SLC25A48: variants seen among roughly 807,000 people sequenced by gnomAD.
The protein encoded by SLC25A48 is solute carrier family 25 member 48.
A neutral mutation model predicts 32.2 loss-of-function variants in SLC25A48; 29 were observed. The ratio of observed to expected loss-of-function variants is 0.90; its 90% CI spans 0.67 to 1.23. The LOEUF (loss-of-function observed/expected upper bound fraction) is 1.23. Ranked by LOEUF, SLC25A48 falls within the 50% of genes most tolerant of loss-of-function variation. The probability of loss-of-function intolerance (pLI) is 0.00; values close to 1 mark genes in which losing one functional copy is unlikely to be tolerated. For missense variants in SLC25A48, 399 were observed against 422.7 expected, an observed-to-expected ratio of 0.94 and a Z score of 0.49; for synonymous variants, 164 against 172.3, an observed-to-expected ratio of 0.95 and a Z score of 0.38.
chr5:135,754,850 C>T (rs1278828975), intron 3 of SLC25A48, among the ~76,000 whole-genome samples: 1 of 151,848 alleles, frequency 6.6e-6, no homozygotes, highest in East Asian at 1.9e-4. Flanking sequence ...TAAAATATTG[C>T]TCTGACATTT....
chr5:135,616,100 T>C (rs1183410481), intron 1 of SLC25A48, among the ~76,000 whole-genome samples: 1 of 152,298 alleles, frequency 6.6e-6, no homozygotes, highest in East Asian at 1.9e-4. Context: ...AAAGCCTAAA[T>C]GTCCAGGCAG....
At chr5:135,776,271 G>T (rs566201592) in intron 3 of SLC25A48, among the ~76,000 whole-genome samples, 10 of 136,464 alleles carry the variant, frequency 7.3e-5, no homozygotes, top group Non-Finnish European at 1.2e-4. Context: ...ATATCTGGGG[G>T]GTGGGGGGCA....
At chr5:135,630,588 CTTTTTTTTTTTTTTTTTT>C (rs869088370) in intron 2 of SLC25A48, among the ~76,000 whole-genome samples, 6 of 58,928 alleles carry the variant, frequency 1.0e-4, no homozygotes, top group East Asian at 6.2e-4. Context: ...GGCTGGGCAC[CTTTTTTTTTTTTTTTTTT>C]TTTTTTTTTT....
chr5:135,771,093 C>A (rs980270277), intron 3 of SLC25A48, among the ~76,000 whole-genome samples: 1 of 135,408 alleles, frequency 7.4e-6, no homozygotes, highest in Non-Finnish European at 1.6e-5. Flanking sequence ...CTTTCAATAT[C>A]GTGGGGGTGT....
At chr5:135,726,307 C>T (rs901099145) in intron 3 of SLC25A48, among the ~76,000 whole-genome samples, 3 of 152,214 alleles carry the variant, frequency 2.0e-5, no homozygotes, top group African/African-American at 4.8e-5. Flanking sequence ...ACAGAATCTA[C>T]GTACCCTTTA....
chr5:135,607,000 C>G (rs565540252), intron 1 of SLC25A48, among the ~76,000 whole-genome samples: 1 of 152,196 alleles, frequency 6.6e-6, no homozygotes, highest in African/African-American at 2.4e-5. Context: ...TTGACTGCTT[C>G]TGGACTCATC....
intron 3 of SLC25A48, among the ~76,000 whole-genome samples, chr5:135,760,390 G>A (rs1756034612): frequency 6.6e-6 from 1 of 152,208 alleles, no homozygotes; most frequent in African/African-American, 2.4e-5. Context: ...TGGTCTGGGT[G>A]TTGGGGAGCT....
At chr5:135,659,850 A>G (rs1006503406) in intron 3 of SLC25A48, among the ~76,000 whole-genome samples, 2 of 152,216 alleles carry the variant, frequency 1.3e-5, no homozygotes, top group African/African-American at 2.4e-5. Flanking sequence ...GCCAGATAGC[A>G]TAAGAACTCA....
chr5:135,807,096 T>A (rs1757480406), intron 3 of SLC25A48, among the ~76,000 whole-genome samples: 1 of 150,660 alleles, frequency 6.6e-6, no homozygotes, highest in African/African-American at 2.4e-5. Flanking sequence ...GGTTTAACAC[T>A]GTGTTTTAAC....
intron 3 of SLC25A48, among the ~76,000 whole-genome samples, chr5:135,741,131 G>A (rs1192201959): frequency 6.6e-6 from 1 of 152,158 alleles, no homozygotes; most frequent in Non-Finnish European, 1.5e-5. Flanking sequence ...ATGAGAAAAC[G>A]GAGGCAGAGT....
intron 3 of SLC25A48, among the ~76,000 whole-genome samples, chr5:135,676,674 GT>G (rs1753774150): frequency 6.6e-6 from 1 of 151,906 alleles, no homozygotes; most frequent in South Asian, 2.1e-4. Context: ...ATTGTCATTT[GT>G]TTCAAGAAAT....
At chr5:135,611,541 A>T (rs1481285846) in intron 1 of SLC25A48, among the ~76,000 whole-genome samples, 2 of 146,534 alleles carry the variant, frequency 1.4e-5, no homozygotes, top group Non-Finnish European at 3.0e-5. Flanking sequence ...AAAGAAAAGA[A>T]AAGAAAAAAA....
intron 3 of SLC25A48, among the ~76,000 whole-genome samples, chr5:135,712,636 G>C (rs796655299): frequency 2.0e-5 from 3 of 152,184 alleles, no homozygotes; most frequent in African/African-American, 7.2e-5. Context: ...AACCCAAACA[G>C]TTTCAACTGA....
chr5:135,697,290 G>C (rs933546122), intron 3 of SLC25A48, among the ~76,000 whole-genome samples: 8 of 45,284 alleles, frequency 1.8e-4, no homozygotes, highest in Non-Finnish European at 4.6e-4. Context: ...AAAGGAGAGA[G>C]GCAACACAGA....
chr5:135,777,034 C>T (rs1236898443), intron 3 of SLC25A48, among the ~76,000 whole-genome samples: 1 of 151,118 alleles, frequency 6.6e-6, no homozygotes, highest in African/African-American at 2.4e-5. Context: ...TCCTAATATC[C>T]AGGGGAAGAG....
At chr5:135,633,833 T>C (rs1461636310) in intron 2 of SLC25A48, among the ~76,000 whole-genome samples, 2 of 152,240 alleles carry the variant, frequency 1.3e-5, no homozygotes, top group African/African-American at 4.8e-5. Context: ...GTGGCAAATA[T>C]ATTGTTTGCT....
intron 4 of SLC25A48, among the ~76,000 whole-genome samples, chr5:135,858,292 G>A (rs181161329): frequency 7.9e-5 from 12 of 152,326 alleles, no homozygotes; most frequent in Admixed American, 7.2e-4. Flanking sequence ...AAAGCTTTGA[G>A]CCATTAGAAC....
chr5:135,732,525 T>C (rs1755251554), intron 3 of SLC25A48, among the ~76,000 whole-genome samples: 1 of 151,918 alleles, frequency 6.6e-6, no homozygotes, highest in African/African-American at 2.4e-5. Flanking sequence ...GTGTAGGGAA[T>C]GGAGGGAGGC....
chr5:135,815,317 C>T (rs1232432430), intron 4 of SLC25A48, among the ~76,000 whole-genome samples: 1 of 152,198 alleles, frequency 6.6e-6, no homozygotes, highest in African/African-American at 2.4e-5. Flanking sequence ...GCACAGTTCA[C>T]AACAGGGTTT....
Sources: allele counts gnomAD v4.1 joint callset (sites outside exome capture counted in the v4.1 genomes callset), GRCh38; gene constraint gnomAD v4.1.1; transcripts MANE v1.5; gene names NCBI Gene and HGNC (gene_info 2026-07-23, HGNC 2026-07-21).